TM6SF1: variants seen among roughly 807,000 people sequenced by gnomAD.
TM6SF1 encodes transmembrane 6 superfamily member 1.
TM6SF1 carries 43 observed loss-of-function variants against 47.1 expected under a neutral mutation model. That is an observed-to-expected ratio of 0.91 (90% CI 0.72 to 1.18). TM6SF1 has a LOEUF of 1.18. Ranked by LOEUF, TM6SF1 falls within the 50% of genes most tolerant of loss-of-function variation. TM6SF1 has a pLI of 0.00. For missense variants in TM6SF1, 390 were observed against 449.0 expected (o/e 0.87, Z 1.19); for synonymous variants, 177 against 166.3 (o/e 1.06, Z -0.49).
At chr15:83,114,560 G>A (rs2034481393) in intron 2 of TM6SF1, 2 of 152,576 alleles carry the variant, frequency 1.3e-5, no homozygotes, top group South Asian at 2.1e-4. Context: ...CTGCAAAACA[G>A]GGCACATGTG....
At chr15:83,128,206 A>G (rs1478359790) in intron 9 of TM6SF1, 1 of 152,308 alleles carries the variant, frequency 6.6e-6, no homozygotes, top group Non-Finnish European at 1.5e-5. Context: ...AGGTTCATCT[A>G]GAAACTGTAG....
rs1003383005 is a variant in TM6SF1 at position 83,120,814 on chromosome 15, C to T, written c.399-1107C>T. 1.3e-5 allele frequency among the ~76,000 whole-genome samples: 2 copies of T among 152,010 alleles called. 1 individual carries two copies. The highest frequency in any genetic ancestry group is 2.9e-5 in the Non-Finnish European group (2 of 68,018). The stretch of plus-strand genomic sequence containing the variant: ...CTCCTGACCTCTGGTGATCTGCCCG[C>T]CTCAGCCTCCCAAAGTGCTGGGATT... On this transcript the variant is annotated intron_variant, in intron 4 of 9. Coordinates refer to ENST00000322019, the MANE Select transcript of TM6SF1 (RefSeq NM_023003.5).
intron 5 of TM6SF1, 140 bp from the exon 6 acceptor site, chr15:83,122,617 C>T: frequency 1.2e-6 from 1 of 821,680 alleles, no homozygotes; most frequent in Non-Finnish European, 1.9e-6. Flanking sequence ...TTTAAATTGA[C>T]CTTTTTAATT....
rs553961707 is a variant in TM6SF1 at position 83,123,472 on chromosome 15, T to A, written c.603+594T>A. On this transcript the variant is annotated intron_variant, in intron 6 of 9. Coordinates refer to ENST00000322019, the MANE Select transcript of TM6SF1 (RefSeq NM_023003.5). ...TAAGCTAGTTTCTCTCTGTTTCTTTTACTTTTCTAGGTATTAGATCATTTA... is the reference window on the plus strand; with the variant it reads ...TAAGCTAGTTTCTCTCTGTTTCTTTAACTTTTCTAGGTATTAGATCATTTA... Among the ~76,000 whole-genome samples the A allele has an allele frequency of 3.3e-5, 5 of 152,378 alleles. No individual in the cohort carries two copies. In the South Asian group the frequency reaches 1.0e-3, roughly 32 times the overall value.
At chr15:83,111,465 C>T (rs777914615) in intron 1 of TM6SF1, 3 of 200,524 alleles carry the variant, frequency 1.5e-5, no homozygotes, top group Non-Finnish European at 2.7e-5. Context: ...ATCCTTTCAT[C>T]CATCATCCAT....
intron 9 of TM6SF1, 69 bp from the exon 10 acceptor site, chr15:83,136,412 C>G (rs935030111): frequency 7.1e-7 from 1 of 1,406,534 alleles, no homozygotes; most frequent in Non-Finnish European, 9.6e-7. Flanking sequence ...ATGAACCATT[C>G]AGAACTCATC....
chr15:83,131,459 C>G (rs187495956), intron 9 of TM6SF1: 1 of 152,128 alleles, frequency 6.6e-6, no homozygotes, highest in Non-Finnish European at 1.5e-5. Context: ...GACGAAACCC[C>G]GTCTCTACTA....
intron 1 of TM6SF1, among the ~76,000 whole-genome samples, chr15:83,112,076 C>T (rs568611426): frequency 2.0e-5 from 3 of 152,278 alleles, no homozygotes; most frequent in East Asian, 1.9e-4. Flanking sequence ...CACTGAGTAG[C>T]GGCTTTGGCC....
At chr15:83,112,258 A>G (rs1323396390) in intron 1 of TM6SF1, among the ~76,000 whole-genome samples, 2 of 152,114 alleles carry the variant, frequency 1.3e-5, no homozygotes, top group Admixed American at 6.5e-5. Context: ...CTCCTTCTCC[A>G]TGGATTTCCT....
chr15:83,114,105 C>T (rs2034437921), intron 2 of TM6SF1: 2 of 152,620 alleles, frequency 1.3e-5, no homozygotes, highest in South Asian at 4.1e-4. Flanking sequence ...TCTCCACTAG[C>T]CTGTGCTCTG....
Position 83,113,244 on chromosome 15 carries a change from C to T in TM6SF1, c.196+344C>T, listed in dbSNP as rs146817131. On this transcript the variant is annotated intron_variant, in intron 2 of 9. Coordinates refer to ENST00000322019, the MANE Select transcript of TM6SF1 (RefSeq NM_023003.5). ...TCAGCCTGCTACTAGCAGTCCCCCC[C>T]ACTTAGTGCAGAACTTAACTGTGTG... 1.4e-3 allele frequency: 543 copies of T among 377,344 alleles called. 7 individuals carry two copies. Among genetic ancestry groups the T allele is most frequent in the Admixed American group, 0.012 (309 of 25,394 alleles). 23.4% of individuals were successfully genotyped at this position (377,344 alleles called of 1,614,324 possible).
At chr15:83,120,976 G>C (rs2035183914) in intron 4 of TM6SF1, among the ~76,000 whole-genome samples, 1 of 152,060 alleles carries the variant, frequency 6.6e-6, no homozygotes, top group African/African-American at 2.4e-5. Context: ...GACGCACACA[G>C]TATTCTCGTT....
At chr15:83,122,138 C>A in intron 5 of TM6SF1, 135 bp downstream of exon 5, 1 of 750,882 alleles carries the variant, frequency 1.3e-6, no homozygotes, top group Non-Finnish European at 2.2e-6. Flanking sequence ...CAGAATAATT[C>A]CTTTTTCTCA....
Position 83,126,814 on chromosome 15 carries a change from T to G in TM6SF1, c.768T>G (p.Tyr256Ter). Residue 256 changes from tyrosine to a stop codon, truncating the protein, a stop_gained, in exon 8 of 10, where the codon TAT becomes TAG. Transcript: ENST00000322019. LOFTEE classifies it high-confidence loss of function. ...CRLYTQFQEP[Y>*]LKDPAAYPKI... is the part of the protein sequence containing the mutation. Reference sequence around the variant, plus strand: ...TATATACGCAATTTCAAGAGCCCTATCTAAAGGATCCTGCTGCTTATCCTA... The same window carrying G: ...TATATACGCAATTTCAAGAGCCCTAGCTAAAGGATCCTGCTGCTTATCCTA... The G allele has an allele frequency of 6.2e-7, 1 of 1,614,024 alleles. No homozygotes were observed. The highest frequency in any genetic ancestry group is 8.5e-7 in the Non-Finnish European group (1 of 1,179,940).
chr15:83,131,018 A>T (rs993826636), intron 9 of TM6SF1: 2 of 152,206 alleles, frequency 1.3e-5, no homozygotes, highest in Non-Finnish European at 1.5e-5. Context: ...TTGAACCAGG[A>T]GGCAGAGGTT....
Position 83,136,558 on chromosome 15 carries a change from CCTTT to C in TM6SF1, c.1000_1003del (p.Leu334PhefsTer2), listed in dbSNP as rs754296955. 6.2e-7 allele frequency: 1 copy of C among 1,613,720 alleles called. No homozygotes were observed. Among genetic ancestry groups the C allele is most frequent in the South Asian group, 1.1e-5 (1 of 91,014 alleles). On this transcript the variant is annotated frameshift_variant, in exon 10 of 10. Coordinates refer to ENST00000322019, the MANE Select transcript of TM6SF1 (RefSeq NM_023003.5). LOFTEE classifies it high-confidence loss of function. ...ACAGAGTCCCTGAAGAAGCAAAAATCCTTTTTTTAGCATTAAACATAGCATATGG... is the reference window on the plus strand; with the variant it reads ...ACAGAGTCCCTGAAGAAGCAAAAATCTTTTAGCATTAAACATAGCATATGG...
intron 4 of TM6SF1, 84 bp from the exon 5 acceptor site, chr15:83,121,837 C>A: frequency 9.9e-7 from 1 of 1,008,412 alleles, no homozygotes; most frequent in Non-Finnish European, 1.5e-6. Flanking sequence ...AGTTTGAATA[C>A]AAAATAATAT....
At position 83,125,150 on chromosome 15, in the gene TM6SF1, T is replaced by A. The variant is rs550357550; in HGVS notation, c.708+374T>A. Among the ~76,000 whole-genome samples the A allele has an allele frequency of 5.9e-5, 9 of 152,320 alleles. No homozygotes were observed. In the East Asian group the frequency reaches 1.7e-3, roughly 29 times the overall value. On this transcript the variant is annotated intron_variant, in intron 7 of 9. Transcript: ENST00000322019. The stretch of plus-strand genomic sequence containing the variant: ...ACAACTGTGGCACAGAGCATCCCTG[T>A]GTTCTCAGGAGTAGGGGCAATGGGG...
intron 1 of TM6SF1, among the ~76,000 whole-genome samples, chr15:83,108,099 C>T (rs2033831114): frequency 2.6e-5 from 4 of 152,196 alleles, no homozygotes; most frequent in Admixed American, 2.6e-4. Flanking sequence ...GGGAGCGGAA[C>T]AAACACGGAC....
Sources: gnomAD v4.1 joint callset for allele counts (sites outside exome capture counted in the v4.1 genomes callset) on GRCh38, gnomAD v4.1.1 for gene constraint, MANE v1.5 for transcripts, NCBI Gene and HGNC (gene_info 2026-07-23, HGNC 2026-07-21) for gene names.